TCF7L2: variants seen among roughly 807,000 people sequenced by gnomAD.
TCF7L2 encodes the protein transcription factor 7-like 2.
A neutral mutation model predicts 77.9 loss-of-function variants in TCF7L2; 23 were observed. That is an observed-to-expected ratio of 0.30 (90% CI 0.21 to 0.42). The LOEUF is 0.42. Ranked by LOEUF, TCF7L2 falls within the 10% of genes least tolerant of loss-of-function variation. The probability of loss-of-function intolerance (pLI) is 1.00; values close to 1 mark genes in which losing one functional copy is unlikely to be tolerated. For synonymous variants in TCF7L2, 413 were observed against 340.2 expected, an observed-to-expected ratio of 1.21 and a Z score of -2.36; for missense variants, 654 against 793.1, an observed-to-expected ratio of 0.82 and a Z score of 2.11.
intron 5 of TCF7L2, among the ~76,000 whole-genome samples, chr10:113,098,835 G>T (rs556659558): frequency 6.6e-6 from 1 of 152,364 alleles, no homozygotes. Flanking sequence ...ACACAGAACA[G>T]CTCCATCGCC....
chr10:113,156,115 CTT>C lies in TCF7L2; in HGVS notation c.1270-1889_1270-1888del, dbSNP rs35516476. 4.9e-3 allele frequency among the ~76,000 whole-genome samples: 596 copies of C among 120,684 alleles called. 2 individuals carry two copies. Among genetic ancestry groups the C allele is most frequent in the African/African-American group, 0.012 (398 of 32,192 alleles). The allele number at this position is 120,684 out of a possible 152,430, so 79.2% of individuals were successfully genotyped here. A position where few individuals can be genotyped will look rare whatever the true frequency, so the allele number is the denominator to read the frequency against. ...AACGTGTTCTCGAGTTTCTTTCTTT[CTT>C]TTTTTTTTTTTTTTTTGAGACTGAG... On this transcript the variant is annotated intron_variant, in intron 11 of 13. Transcript: ENST00000627217.
chr10:113,120,733 G>A (rs1378916254), intron 5 of TCF7L2, among the ~76,000 whole-genome samples: 2 of 152,178 alleles, frequency 1.3e-5, no homozygotes, highest in African/African-American at 2.4e-5. Flanking sequence ...GGAGGATACC[G>A]ATAGCGGAGT....
intron 5 of TCF7L2, among the ~76,000 whole-genome samples, chr10:113,049,576 C>T (rs2054055669): frequency 6.6e-6 from 1 of 152,116 alleles, no homozygotes; most frequent in Non-Finnish European, 1.5e-5. Context: ...TTGCTGGTCT[C>T]CTTCTTGCTT....
At chr10:113,161,662 G>T in intron 13 of TCF7L2, 1 of 1,522,184 alleles carries the variant, frequency 6.6e-7, no homozygotes, top group Admixed American at 2.0e-5. Context: ...CTCGTCACGT[G>T]TCCCTCCCCT....
chr10:113,147,009 T>G (rs980401996), intron 8 of TCF7L2, among the ~76,000 whole-genome samples: 1 of 152,230 alleles, frequency 6.6e-6, no homozygotes, highest in South Asian at 2.1e-4. Context: ...TTTTCCTCCC[T>G]CTGATTAATT....
intron 5 of TCF7L2, among the ~76,000 whole-genome samples, chr10:113,109,389 G>T (rs1303663228): frequency 6.6e-6 from 1 of 152,068 alleles, no homozygotes; most frequent in Non-Finnish European, 1.5e-5. Context: ...ATTTTTATTT[G>T]TTTATTTATT....
chr10:112,997,596 C>T (rs1252183167), intron 4 of TCF7L2, among the ~76,000 whole-genome samples: 2 of 152,358 alleles, frequency 1.3e-5, no homozygotes, highest in East Asian at 1.9e-4. Flanking sequence ...AAAGGGTTGA[C>T]ACCAACCTTC....
chr10:113,107,037 C>A (rs1292949182), intron 5 of TCF7L2, among the ~76,000 whole-genome samples: 1 of 152,214 alleles, frequency 6.6e-6, no homozygotes, highest in African/African-American at 2.4e-5. Context: ...GTCTTCTGCC[C>A]TTAGCACTCC....
Position 113,151,091 on chromosome 10 carries a change from G to A in TCF7L2, c.969G>A (p.Ser323=), listed in dbSNP as rs771523193. The A allele has an allele frequency of 1.2e-5, 20 of 1,613,960 alleles. No homozygotes were observed. Among genetic ancestry groups the A allele is most frequent in the Admixed American group, 6.7e-5 (4 of 59,996 alleles). Residue 323 remains serine (S), a synonymous_variant, in exon 9 of 14, where the codon TCG becomes TCA. Transcript: ENST00000627217. This position sits in a 1 kb window ranked among gnomAD's most constrained non-coding sequence, Gnocchi z 5.2. ...TCACACCAACAGTCAAACAGGAATC[G>A]TCCCAGAGTGATGTCGGCTCACTCC...
At chr10:113,001,056 A>C (rs987540581) in intron 4 of TCF7L2, among the ~76,000 whole-genome samples, 4 of 152,200 alleles carry the variant, frequency 2.6e-5, no homozygotes, top group Non-Finnish European at 4.4e-5. Context: ...GCAGGCCTGG[A>C]GTCAGGAATG....
rs151216935 is a variant in TCF7L2 at position 113,165,675 on chromosome 10, C to G, written c.1512C>G (p.Pro504=). 9 of 1,611,114 alleles carry G rather than the reference C, an allele frequency of 5.6e-6. No individual in the cohort carries two copies. Among genetic ancestry groups the G allele is most frequent in the South Asian group, 1.1e-5 (1 of 90,642 alleles). The change falls in exon 14 of 14, where the codon CCC becomes CCG. Residue 504 remains proline, a synonymous_variant. Coordinates refer to ENST00000627217, the MANE Select transcript of TCF7L2 (RefSeq NM_001146274.2). ...CCCCGAACCTGCTAGGCTCCCCTCCCCGAGACGCCAAGTCACAGACTGAGC... is the reference window on the plus strand; with the variant it reads ...CCCCGAACCTGCTAGGCTCCCCTCCGCGAGACGCCAAGTCACAGACTGAGC...
rs1168694998 is a variant in TCF7L2 at position 113,151,917 on chromosome 10, G to T, written c.1161+33G>T. ...ACGCCCTTCTCAGGGAGAAGCGGGGGGCGGGTGGTGAGGGACCAGAGTGCA... is the reference window on the plus strand; with the variant it reads ...ACGCCCTTCTCAGGGAGAAGCGGGGTGCGGGTGGTGAGGGACCAGAGTGCA... On this transcript the variant is annotated intron_variant, in intron 10 of 13. Transcript: ENST00000627217. This position sits in a 1 kb window ranked among gnomAD's most constrained non-coding sequence, Gnocchi z 5.2. 2 of 1,576,468 alleles carry T rather than the reference G, an allele frequency of 1.3e-6. No individual in the cohort carries two copies. The highest frequency in any genetic ancestry group is 1.7e-6 in the Non-Finnish European group (2 of 1,166,650).
rs771577364 is a variant in TCF7L2 at position 113,141,297 on chromosome 10, C to G, written c.666C>G (p.Ala222=). 1 of 1,614,138 alleles carries G rather than the reference C, an allele frequency of 6.2e-7. No homozygotes were observed. The highest frequency in any genetic ancestry group is 1.1e-5 in the South Asian group (1 of 91,076). Residue 222 remains alanine, a synonymous_variant, in exon 6 of 14, where the codon GCC becomes GCG. Transcript: ENST00000627217. ...GAAACCCACCTCCACACTTACCAGC[C>G]GACGTAGACCCCAAAACAGGTAGGC... is the stretch of plus-strand genomic sequence containing the variant.
chr10:113,166,085 A>G lies in TCF7L2; in HGVS notation c.*113A>G, dbSNP rs2074028803. On this transcript the variant is annotated 3_prime_UTR_variant, in exon 14 of 14. Transcript: ENST00000627217. Reference sequence around the variant, plus strand: ...TTTTGTACTCTCTTAATTTTGTGCCATGTGGCTACATTAGTTGATGTTTAT... The same window carrying G: ...TTTTGTACTCTCTTAATTTTGTGCCGTGTGGCTACATTAGTTGATGTTTAT... 2.1e-6 allele frequency: 2 copies of G among 938,390 alleles called. No homozygotes were observed. The highest frequency in any genetic ancestry group is 6.9e-5 in the South Asian group (2 of 29,140). The allele number at this position is 938,390 out of a possible 1,614,324, so 58.1% of individuals were successfully genotyped here.
intron 5 of TCF7L2, among the ~76,000 whole-genome samples, chr10:113,057,422 C>T (rs1008717569): frequency 4.6e-5 from 7 of 152,150 alleles, no homozygotes; most frequent in Admixed American, 2.0e-4. Flanking sequence ...CTGCCCTTCT[C>T]GGCCTCCCGA....
intron 5 of TCF7L2, among the ~76,000 whole-genome samples, chr10:113,072,191 G>C (rs1214882097): frequency 6.6e-6 from 1 of 152,010 alleles, no homozygotes; most frequent in East Asian, 1.9e-4. Context: ...GAGTAGCTGG[G>C]ACTACAGGCA....
chr10:113,023,972 G>T (rs1054502587), intron 4 of TCF7L2, among the ~76,000 whole-genome samples: 8 of 151,776 alleles, frequency 5.3e-5, no homozygotes, highest in Non-Finnish European at 1.2e-4. Flanking sequence ...GACAGTAATG[G>T]CAGGTCACTA....
At chr10:112,977,212 T>C (rs1403515377) in intron 4 of TCF7L2, among the ~76,000 whole-genome samples, 1 of 152,178 alleles carries the variant, frequency 6.6e-6, no homozygotes, top group Non-Finnish European at 1.5e-5. Context: ...ATAGCTTTGG[T>C]TGCAAACCAG....
intron 5 of TCF7L2, among the ~76,000 whole-genome samples, chr10:113,128,556 A>G (rs972735139): frequency 2.0e-5 from 3 of 152,210 alleles, no homozygotes; most frequent in Non-Finnish European, 4.4e-5. Flanking sequence ...TCTTGCTTCA[A>G]GCCACACAAG....
Sources: gnomAD v4.1 joint callset for allele counts (sites outside exome capture counted in the v4.1 genomes callset) on GRCh38, gnomAD v4.1.1 for gene constraint, Gnocchi (gnomAD v3.1) non-coding constraint, MANE v1.5 for transcripts, NCBI Gene and HGNC (gene_info 2026-07-23, HGNC 2026-07-21) for gene names.